The following SETBP1 variants were observed in gnomAD, a reference collection of about 807,000 sequenced individuals.
The protein encoded by SETBP1 is SET binding protein 1.
Under a neutral mutation model 101.0 loss-of-function variants are expected in SETBP1, and 9 were observed. That is an observed-to-expected ratio of 0.09 (90% confidence interval 0.05 to 0.16). The LOEUF is 0.16. SETBP1 is among the 10% of genes least tolerant of loss of function. The pLI is 1.00. For synonymous variants in SETBP1, 818 were observed against 788.5 expected (o/e 1.04, Z -0.63); for missense variants, 1,858 against 2,033.8 (o/e 0.91, Z 1.66).
intron 3 of SETBP1, among the ~76,000 whole-genome samples, chr18:44,882,299 C>T (rs1356127892): frequency 6.6e-6 from 1 of 152,116 alleles, no homozygotes; most frequent in African/African-American, 2.4e-5. Context: ...TTTATACCCT[C>T]AGTCCAGGAA....
intron 2 of SETBP1, among the ~76,000 whole-genome samples, chr18:44,849,392 G>A (rs1164345119): frequency 2.0e-5 from 3 of 152,172 alleles, no homozygotes; most frequent in Admixed American, 6.5e-5. Context: ...ACAATCTTGA[G>A]CAGGTGATTA....
intron 2 of SETBP1, among the ~76,000 whole-genome samples, chr18:44,855,488 A>G (rs2072957029): frequency 6.6e-6 from 1 of 152,226 alleles, no homozygotes; most frequent in African/African-American, 2.4e-5. Flanking sequence ...CATACAAGTT[A>G]CCTGGACTGA....
chr18:45,029,749 G>A (rs913146540), intron 4 of SETBP1, among the ~76,000 whole-genome samples: 1 of 152,138 alleles, frequency 6.6e-6, no homozygotes, highest in Non-Finnish European at 1.5e-5. Flanking sequence ...TGGATTCCTA[G>A]GTATTTTATT....
intron 2 of SETBP1, among the ~76,000 whole-genome samples, chr18:44,861,400 AGC>A (rs1472288827): frequency 6.6e-6 from 1 of 150,922 alleles, no homozygotes; most frequent in African/African-American, 2.4e-5. Flanking sequence ...CACTATGCCC[AGC>A]TAATTTTTTT....
chr18:45,001,324 T>C (rs956932200), intron 4 of SETBP1, among the ~76,000 whole-genome samples: 1 of 152,238 alleles, frequency 6.6e-6, no homozygotes, highest in Non-Finnish European at 1.5e-5. Flanking sequence ...GATTAAATTC[T>C]ATAATGCCTG....
chr18:44,906,330 G>A (rs1021105316), intron 3 of SETBP1, among the ~76,000 whole-genome samples: 2 of 152,148 alleles, frequency 1.3e-5, no homozygotes, highest in African/African-American at 4.8e-5. Context: ...AGTCCTAGCA[G>A]CCACTAAAGT....
chr18:44,769,581 G>C (rs2070830597), intron 2 of SETBP1, among the ~76,000 whole-genome samples: 2 of 152,124 alleles, frequency 1.3e-5, no homozygotes, highest in South Asian at 4.1e-4. Context: ...TGCATTTCAG[G>C]GTCCAGAAGT....
At chr18:45,002,106 C>G (rs908746154) in intron 4 of SETBP1, among the ~76,000 whole-genome samples, 13 of 152,138 alleles carry the variant, frequency 8.5e-5, no homozygotes, top group Non-Finnish European at 1.6e-4. Flanking sequence ...AAGCCTTCTC[C>G]CCCACAGTTC....
At chr18:44,807,875 G>A (rs972207651) in intron 2 of SETBP1, among the ~76,000 whole-genome samples, 1 of 152,156 alleles carries the variant, frequency 6.6e-6, no homozygotes, top group African/African-American at 2.4e-5. Flanking sequence ...TGGGGGAAGT[G>A]ACAAGCTGGA....
intron 1 of SETBP1, among the ~76,000 whole-genome samples, chr18:44,696,785 C>T (rs1208832978): frequency 6.6e-6 from 1 of 152,186 alleles, no homozygotes; most frequent in African/African-American, 2.4e-5. Flanking sequence ...GGGTAAAAGA[C>T]TCATAGTGGC....
At chr18:44,774,858 A>G (rs958874952) in intron 2 of SETBP1, among the ~76,000 whole-genome samples, 1 of 151,658 alleles carries the variant, frequency 6.6e-6, no homozygotes, top group African/African-American at 2.4e-5. Context: ...ACAGGTCTCT[A>G]GGAGTTTAGC....
At chr18:44,998,858 T>C (rs900892677) in intron 4 of SETBP1, among the ~76,000 whole-genome samples, 3 of 152,340 alleles carry the variant, frequency 2.0e-5, no homozygotes, top group African/African-American at 7.2e-5. Flanking sequence ...AAAACACTTG[T>C]TACTCTACCA....
intron 2 of SETBP1, among the ~76,000 whole-genome samples, chr18:44,770,010 C>T (rs1449194784): frequency 6.6e-6 from 1 of 152,228 alleles, no homozygotes; most frequent in Non-Finnish European, 1.5e-5. Flanking sequence ...TCCCTGACTC[C>T]TAGTGGATCC....
intron 2 of SETBP1, among the ~76,000 whole-genome samples, chr18:44,780,406 C>T (rs751935620): frequency 4.6e-5 from 7 of 152,154 alleles, no homozygotes; most frequent in Non-Finnish European, 8.8e-5. Context: ...TTTTAATGGA[C>T]CTTAGCCACT....
intron 5 of SETBP1, among the ~76,000 whole-genome samples, chr18:45,044,829 CGG>C (rs1568047940): frequency 6.6e-6 from 1 of 152,168 alleles, no homozygotes; most frequent in African/African-American, 2.4e-5. Flanking sequence ...AATTAGACAA[CGG>C]GGCATTATGA....
chr18:44,701,913 A>G, intron 2 of SETBP1, 81 bp downstream of exon 2: 1 of 1,472,088 alleles, frequency 6.8e-7, no homozygotes, highest in Admixed American at 2.0e-5. Flanking sequence ...GGGTCTATTT[A>G]TATATTATAT....
rs528449516 is a variant in SETBP1 at position 44,937,624 on chromosome 18, T to C, written c.541-12257T>C. On this transcript the variant is annotated intron_variant, in intron 3 of 5. Coordinates refer to ENST00000649279, the MANE Select transcript of SETBP1 (RefSeq NM_015559.3). ...CACACTGCAGCCTTTCAGCTACTCCTTAGAGCCCAGGAACAGTGAGTCTGG... is the reference window on the plus strand; with the variant it reads ...CACACTGCAGCCTTTCAGCTACTCCCTAGAGCCCAGGAACAGTGAGTCTGG... Among the ~76,000 whole-genome samples the C allele has an allele frequency of 1.1e-4, 16 of 152,256 alleles. No individual in the cohort carries two copies. In the South Asian group the frequency reaches 2.7e-3, roughly 26 times the overall value.
chr18:44,945,606 G>A (rs928880615), intron 3 of SETBP1, among the ~76,000 whole-genome samples: 21 of 152,260 alleles, frequency 1.4e-4, no homozygotes, highest in African/African-American at 4.6e-4. Flanking sequence ...GCCATGAAGC[G>A]TGCTAAGCTA....
At chr18:44,925,822 A>T (rs2070693228) in intron 3 of SETBP1, among the ~76,000 whole-genome samples, 1 of 152,240 alleles carries the variant, frequency 6.6e-6, no homozygotes, top group Admixed American at 6.5e-5. Context: ...CTTCAGGGCA[A>T]CCTGGAGAAG....
Sources: allele counts gnomAD v4.1 joint callset (sites outside exome capture counted in the v4.1 genomes callset), GRCh38; gene constraint gnomAD v4.1.1; transcripts MANE v1.5; gene names NCBI Gene and HGNC (gene_info 2026-07-23, HGNC 2026-07-21).